Variants in BNC2 observed in about 807,000 individuals in gnomAD.
BNC2 encodes the protein zinc finger protein basonuclin-2.
In BNC2, 20 loss-of-function variants were observed where a neutral mutation model predicts 76.3. The ratio of observed to expected loss-of-function variants is 0.26; its 90% CI spans 0.18 to 0.38. The LOEUF is 0.38. BNC2 is among the 10% of genes least tolerant of loss of function. The probability of loss-of-function intolerance (pLI) is 1.00; values close to 1 mark genes in which losing one functional copy is unlikely to be tolerated. For missense variants in BNC2, 1,382 were observed against 1,399.8 expected (o/e 0.99, Z 0.20); for synonymous variants, 582 against 514.8 (o/e 1.13, Z -1.77).
chr9:16,449,380 C>T (rs940904063), intron 5 of BNC2, among the ~76,000 whole-genome samples: 6 of 152,140 alleles, frequency 3.9e-5, no homozygotes, highest in African/African-American at 1.2e-4. Context: ...TTCCCCCTAG[C>T]GCTTTGACAG....
In BNC2 at chr9:16,436,824, T is replaced by A; in HGVS notation, c.1370A>T (p.Lys457Ile). 6.2e-7 allele frequency: 1 copy of A among 1,614,184 alleles called. No individual in the cohort carries two copies. The highest frequency in any genetic ancestry group is 8.5e-7 in the Non-Finnish European group (1 of 1,180,040). The change falls in exon 6 of 7, where the codon AAA becomes ATA. Residue 457 changes from lysine to isoleucine, a missense_variant. Around this residue, in one of 3 missense-constraint regions of BNC2, gnomAD observed 27 missense variants for 83.4 expected, o/e 0.32. Coordinates refer to ENST00000380672, the MANE Select transcript of BNC2 (RefSeq NM_017637.6). ...GKTFYDKGTL[K>I]IHYNAVHLKI... ...CAGGTGAACAGCATTGTAATGAATT[T>A]TGAGAGTACCTTTGTCATAGAATGT...
intron 5 of BNC2, among the ~76,000 whole-genome samples, chr9:16,525,254 T>TA (rs1048162370): frequency 6.0e-5 from 9 of 151,184 alleles, no homozygotes; most frequent in African/African-American, 9.7e-5. Flanking sequence ...ACACAAAACT[T>TA]AAAAAAAGAA....
At chr9:16,805,762 C>T (rs556574824) in intron 1 of BNC2, among the ~76,000 whole-genome samples, 42 of 151,970 alleles carry the variant, frequency 2.8e-4, no homozygotes, top group Non-Finnish European at 4.9e-4. Context: ...CTTCTGAATT[C>T]TGCTTTAGTA....
intron 5 of BNC2, among the ~76,000 whole-genome samples, chr9:16,531,141 T>G (rs1385014805): frequency 6.6e-6 from 1 of 152,176 alleles, no homozygotes; most frequent in Non-Finnish European, 1.5e-5. Context: ...TAAGGGAGCC[T>G]TTATTTCTGG....
intron 3 of BNC2, among the ~76,000 whole-genome samples, chr9:16,700,461 T>C (rs1008557620): frequency 2.0e-5 from 3 of 152,134 alleles, no homozygotes; most frequent in African/African-American, 7.2e-5. Flanking sequence ...CAGTGAGCTA[T>C]GATCACACCA....
intron 3 of BNC2, among the ~76,000 whole-genome samples, chr9:16,684,027 C>A (rs1428253726): frequency 6.6e-6 from 1 of 152,162 alleles, no homozygotes; most frequent in Non-Finnish European, 1.5e-5. Flanking sequence ...GTTACTTTAA[C>A]CTGTAAATAT....
chr9:16,558,933 CAA>C (rs574756487), intron 4 of BNC2, among the ~76,000 whole-genome samples: 20 of 81,164 alleles, frequency 2.5e-4, no homozygotes, highest in South Asian at 4.0e-4. Context: ...GACTCCGTCT[CAA>C]AAAAAAAAAA....
At chr9:16,558,654 G>T (rs1452764451) in intron 4 of BNC2, among the ~76,000 whole-genome samples, 1 of 152,166 alleles carries the variant, frequency 6.6e-6, no homozygotes, top group Non-Finnish European at 1.5e-5. Context: ...TTCAACGTCA[G>T]GTGCGGTGGC....
chr9:16,459,192 G>C (rs1821519963), intron 5 of BNC2, among the ~76,000 whole-genome samples: 2 of 152,190 alleles, frequency 1.3e-5, no homozygotes, highest in African/African-American at 4.8e-5. Context: ...GAATCGGCCT[G>C]TGTCCTAGCA....
intron 5 of BNC2, among the ~76,000 whole-genome samples, chr9:16,507,756 A>C (rs899021000): frequency 2.0e-5 from 3 of 152,128 alleles, no homozygotes; most frequent in Admixed American, 1.3e-4. Context: ...TCCATTCAAC[A>C]ACTTGCTCAT....
chr9:16,562,721 A>G (rs769276314), intron 4 of BNC2, among the ~76,000 whole-genome samples: 2 of 152,184 alleles, frequency 1.3e-5, no homozygotes, highest in Non-Finnish European at 2.9e-5. Flanking sequence ...AGCAAAATTG[A>G]TAAATATTTT....
At chr9:16,829,985 CCTTA>C (rs1818544412) in intron 1 of BNC2, among the ~76,000 whole-genome samples, 1 of 152,104 alleles carries the variant, frequency 6.6e-6, no homozygotes. Flanking sequence ...GTAGAATGGG[CCTTA>C]CTTAAGTTTT....
chr9:16,427,573 A>T (rs1820826636), intron 6 of BNC2, among the ~76,000 whole-genome samples: 1 of 152,206 alleles, frequency 6.6e-6, no homozygotes, highest in Non-Finnish European at 1.5e-5. Flanking sequence ...TTAATTACTG[A>T]ATGTTTAATC....
chr9:16,625,053 T>C (rs1421540766), intron 3 of BNC2, among the ~76,000 whole-genome samples: 1 of 152,232 alleles, frequency 6.6e-6, no homozygotes, highest in Non-Finnish European at 1.5e-5. Context: ...ATTCAATAAC[T>C]AAGTGGTAAT....
chr9:16,614,958 TAAAAAAAAAAAAAAAAAAAAAA>T lies in BNC2; in HGVS notation c.331-31895_331-31874del, dbSNP rs60545823. Among the ~76,000 whole-genome samples, 87 of 62,526 alleles carry T rather than the reference TAAAAAAAAAAAAAAAAAAAAAA, an allele frequency of 1.4e-3. 14 individuals carry two copies. The highest frequency in any genetic ancestry group is 2.9e-3 in the African/African-American group (44 of 15,188). The allele number at this position is 62,526 out of a possible 152,430, so 41.0% of individuals were successfully genotyped here. On this transcript the variant is annotated intron_variant, in intron 3 of 6. Coordinates refer to ENST00000380672, the MANE Select transcript of BNC2 (RefSeq NM_017637.6). ...ATGACAGAGTGAGACTCTGTCTCTT[TAAAAAAAAAAAAAAAAAAAAAA>T]AAAAAAAAAAAAAAAAAAAAAAAAG...
chr9:16,665,386 A>AAGAGAGAC (rs1554702319), intron 3 of BNC2, among the ~76,000 whole-genome samples: 1 of 84,302 alleles, frequency 1.2e-5, no homozygotes, highest in African/African-American at 4.9e-5. Context: ...AAAAAAAAAA[A>AAGAGAGAC]AGAGAGAGAG....
intron 3 of BNC2, among the ~76,000 whole-genome samples, chr9:16,623,327 C>T (rs765039541): frequency 5.3e-5 from 8 of 152,010 alleles, no homozygotes; most frequent in South Asian, 2.1e-4. Flanking sequence ...CCTGTCATGA[C>T]GTGTTTAAAA....
intron 3 of BNC2, among the ~76,000 whole-genome samples, chr9:16,697,574 G>A (rs1285099600): frequency 1.4e-5 from 2 of 147,442 alleles, no homozygotes; most frequent in South Asian, 4.3e-4. Context: ...TATTTTAAAA[G>A]GCTGGGTATG....
intron 5 of BNC2, among the ~76,000 whole-genome samples, chr9:16,496,461 C>T (rs530285007): frequency 6.6e-6 from 1 of 152,170 alleles, no homozygotes; most frequent in South Asian, 2.1e-4. Flanking sequence ...TCAGAAGAGC[C>T]CTAAGTTGTG....
Sources: gnomAD v4.1 joint callset for allele counts (sites outside exome capture counted in the v4.1 genomes callset) on GRCh38, gnomAD v4.1.1 for gene constraint, gnomAD v4.1.1 regional missense constraint, MANE v1.5 for transcripts, NCBI Gene and HGNC (gene_info 2026-07-23, HGNC 2026-07-21) for gene names.